The following ODAPH variants were observed in gnomAD, a reference collection of about 807,000 sequenced individuals.
The protein encoded by ODAPH is odontogenesis associated phosphoprotein, also known as amelogenesis imperfecta type IIA4.
Under a neutral mutation model 2.8 loss-of-function variants are expected in ODAPH, and 2 were observed. The observed-to-expected ratio is 0.72, with a 90% CI of 0.30 to 2.28. ODAPH has a LOEUF of 2.28. Among genes scored for constraint, ODAPH ranks in the 30% most tolerant of loss-of-function variants. The probability of loss-of-function intolerance (pLI) is 0.13; values close to 1 mark genes in which losing one functional copy is unlikely to be tolerated. For synonymous variants in ODAPH, 75 were observed against 60.3 expected, an observed-to-expected ratio of 1.24 and a Z score of -1.13; for missense variants, 159 against 163.3, an observed-to-expected ratio of 0.97 and a Z score of 0.14.
chr4:75,564,424 A>G lies in ODAPH; in HGVS notation c.378A>G (p.Ser126=). Residue 126 remains serine (S), a synonymous_variant, in exon 2 of 2, where the codon TCA becomes TCG. Coordinates refer to ENST00000311623, the MANE Select transcript of ODAPH (RefSeq NM_178497.5). ...FPRRRLQRGS[S]SEES ...GAAGAAGACTCCAGAGAGGAAGCTC[A>G]TCTGAGGAAAGCTGAGAGGGAAGAG... The G allele has an allele frequency of 6.2e-7, 1 of 1,614,154 alleles. No individual in the cohort carries two copies. Among genetic ancestry groups the G allele is most frequent in the Non-Finnish European group, 8.5e-7 (1 of 1,179,970 alleles).
In ODAPH at chr4:75,556,082, C is replaced by T. The variant is rs997388259; in HGVS notation, c.-1C>T. 6.2e-7 allele frequency: 1 copy of T among 1,613,958 alleles called. No individual in the cohort carries two copies. Among genetic ancestry groups the T allele is most frequent in the Non-Finnish European group, 8.5e-7 (1 of 1,179,946 alleles). On this transcript the variant is annotated 5_prime_UTR_variant, in exon 1 of 2. Coordinates refer to ENST00000311623, the MANE Select transcript of ODAPH (RefSeq NM_178497.5). ...AACGCAGTGACTGCTCAGTAGAAGC[C>T]ATGGCTCGCAGACACTGCTTCTCCT...
chr4:75,561,708 G>A (rs1399146054), intron 1 of ODAPH, among the ~76,000 whole-genome samples: 1 of 152,118 alleles, frequency 6.6e-6, no homozygotes, highest in East Asian at 1.9e-4. Context: ...TTAGCTAGGC[G>A]TGGTGGCGGG....
chr4:75,564,776 A>AT lies in ODAPH; in HGVS notation c.*339dup. ...TGAGAGAATCCATCTCCTCCTCTAA[A>AT]TTAAACAGGATTTAAATAAATTGAG... On this transcript the variant is annotated 3_prime_UTR_variant, in exon 2 of 2. Coordinates refer to ENST00000311623, the MANE Select transcript of ODAPH (RefSeq NM_178497.5). 2.0e-6 allele frequency: 1 copy of AT among 490,684 alleles called. No homozygotes were observed. Among genetic ancestry groups the AT allele is most frequent in the Non-Finnish European group, 3.6e-6 (1 of 275,400 alleles). 30.4% of individuals were successfully genotyped at this position (490,684 alleles called of 1,614,324 possible).
chr4:75,563,956 T>A (rs1249637606), intron 1 of ODAPH, among the ~76,000 whole-genome samples, 158 bp from the exon 2 acceptor site: 1 of 152,216 alleles, frequency 6.6e-6, no homozygotes, highest in African/African-American at 2.4e-5. Flanking sequence ...ATCCAGTGTG[T>A]CTGTGTCTCA....
chr4:75,557,670 T>C (rs1477556945), intron 1 of ODAPH, among the ~76,000 whole-genome samples: 1 of 152,120 alleles, frequency 6.6e-6, no homozygotes, highest in African/African-American at 2.4e-5. Flanking sequence ...AAACACCAGA[T>C]TTGATTTCCG....
At chr4:75,556,175 G>C in intron 1 of ODAPH, 26 bp downstream of exon 1, 2 of 1,605,292 alleles carry the variant, frequency 1.2e-6, no homozygotes, top group East Asian at 2.2e-5. Context: ...TTATTCTACT[G>C]TGGGTCCACT....
chr4:75,559,256 A>G (rs1727468470), intron 1 of ODAPH, among the ~76,000 whole-genome samples: 1 of 152,138 alleles, frequency 6.6e-6, no homozygotes, highest in Non-Finnish European at 1.5e-5. Context: ...TTAATGCACA[A>G]ATTTTATGGG....
At chr4:75,561,223 C>CAAAAAAAAAA (rs35040152) in intron 1 of ODAPH, among the ~76,000 whole-genome samples, 2 of 62,684 alleles carry the variant, frequency 3.2e-5, no homozygotes, top group Non-Finnish European at 5.8e-5. Flanking sequence ...AACTCAATCT[C>CAAAAAAAAAA]AAAAAAAAAA....
At chr4:75,556,442 A>G (rs1353883171) in intron 1 of ODAPH, 2 of 1,005,594 alleles carry the variant, frequency 2.0e-6, no homozygotes, top group African/African-American at 3.2e-5. Flanking sequence ...TGCAAGGACC[A>G]AATGAGCTAT....
intron 1 of ODAPH, among the ~76,000 whole-genome samples, chr4:75,560,587 T>C (rs1188494121): frequency 6.6e-6 from 1 of 152,194 alleles, no homozygotes; most frequent in Non-Finnish European, 1.5e-5. Flanking sequence ...CTAGTTTGTT[T>C]GGAAGAATGT....
intron 1 of ODAPH, among the ~76,000 whole-genome samples, chr4:75,561,605 A>G (rs1046436282): frequency 3.3e-5 from 5 of 152,152 alleles, no homozygotes; most frequent in African/African-American, 1.2e-4. Flanking sequence ...CAGCACTTTG[A>G]GAGGCCCAAG....
Position 75,564,217 on chromosome 4 carries a change from G to A in ODAPH, c.171G>A (p.Pro57=), listed in dbSNP as rs369218480. The A allele has an allele frequency of 7.1e-5, 114 of 1,614,050 alleles. No homozygotes were observed. Among genetic ancestry groups the A allele is most frequent in the Non-Finnish European group, 8.1e-5 (96 of 1,180,030 alleles). The part of the protein sequence containing the change: ...TLTPPPAPRS[P]VTRAQPITKT... ...CCCCTCCACCTGCCCCGAGGAGTCC[G>A]GTCACAAGGGCCCAGCCCATCACAA... Residue 57 remains proline (P), a synonymous_variant, in exon 2 of 2, where the codon CCG becomes CCA. Transcript: ENST00000311623.
At chr4:75,563,877 A>G (rs979603072) in intron 1 of ODAPH, among the ~76,000 whole-genome samples, 3 of 152,220 alleles carry the variant, frequency 2.0e-5, no homozygotes, top group African/African-American at 7.2e-5. Flanking sequence ...AACACCCCGA[A>G]CAAGTCTTTT....
At chr4:75,562,838 G>C (rs933167360) in intron 1 of ODAPH, among the ~76,000 whole-genome samples, 1 of 152,068 alleles carries the variant, frequency 6.6e-6, no homozygotes, top group African/African-American at 2.4e-5. Context: ...TTCTCCTGCT[G>C]CTTGTAGATG....
chr4:75,565,028 C>T (rs1727759192), downstream of ODAPH: 2 of 158,888 alleles, frequency 1.3e-5, no homozygotes, highest in South Asian at 3.4e-4. Flanking sequence ...CAGAATTTCA[C>T]TCTTGTTACC....
At position 75,557,512 on chromosome 4, in the gene ODAPH, G is replaced by A. The variant is rs540393399; in HGVS notation, c.67+1363G>A. Among the ~76,000 whole-genome samples, 6 of 152,230 alleles carry A rather than the reference G, an allele frequency of 3.9e-5. No individual in the cohort carries two copies. The South Asian group carries it at 1.2e-3, about 32-fold the overall frequency. The stretch of plus-strand genomic sequence containing the variant: ...AAATTAGCCAGGTGTGGTGGTGCAT[G>A]CCTGTAATCCCAGCTACTCGGGAGG... On this transcript the variant is annotated intron_variant, in intron 1 of 1. Coordinates refer to ENST00000311623, the MANE Select transcript of ODAPH (RefSeq NM_178497.5).
At position 75,556,142 on chromosome 4, in the gene ODAPH, G is replaced by C; in HGVS notation, c.60G>C (p.Val20=). The C allele has an allele frequency of 6.2e-7, 1 of 1,613,664 alleles. No homozygotes were observed. Among genetic ancestry groups the C allele is most frequent in the East Asian group, 2.2e-5 (1 of 44,884 alleles). Reference sequence around the variant, plus strand: ...TGGTATGCTGGTTGGTGGTAACTGTGGCAGAAGGTAAGGGTTTTGCTTTTA... The same window carrying C: ...TGGTATGCTGGTTGGTGGTAACTGTCGCAGAAGGTAAGGGTTTTGCTTTTA... ...WLLVCWLVVT[V]AEGQEEVFTP... is the part of the protein sequence containing the mutation. Residue 20 remains valine, a synonymous_variant, in exon 1 of 2, where the codon GTG becomes GTC. Transcript: ENST00000311623.
chr4:75,559,870 C>G (rs895605847), intron 1 of ODAPH, among the ~76,000 whole-genome samples: 2 of 152,126 alleles, frequency 1.3e-5, no homozygotes, highest in African/African-American at 4.8e-5. Flanking sequence ...GTGGAGCAGG[C>G]ATATAGCCAC....
chr4:75,565,680 A>G (rs2148847220), downstream of ODAPH: 1 of 152,248 alleles, frequency 6.6e-6, no homozygotes, highest in South Asian at 2.1e-4. Context: ...TTAGTTCTGC[A>G]TATGTGGTCA....
Sources: gnomAD v4.1 joint callset for allele counts (sites outside exome capture counted in the v4.1 genomes callset) on GRCh38, gnomAD v4.1.1 for gene constraint, MANE v1.5 for transcripts, NCBI Gene and HGNC (gene_info 2026-07-23, HGNC 2026-07-21) for gene names.